TRIM24: variants seen among roughly 807,000 people sequenced by gnomAD.
TRIM24 encodes tripartite motif containing 24, also known as transcription intermediary factor 1-alpha.
TRIM24 carries 29 observed loss-of-function variants against 123.9 expected under a neutral mutation model. The observed-to-expected ratio is 0.23, with a 90% CI of 0.17 to 0.32. TRIM24 has a LOEUF of 0.32. Among genes scored for constraint, TRIM24 ranks in the 10% least tolerant of loss-of-function variants. The probability of loss-of-function intolerance (pLI) is 1.00; values close to 1 mark genes in which losing one functional copy is unlikely to be tolerated. For missense variants in TRIM24, 932 were observed against 1,295.3 expected, an observed-to-expected ratio of 0.72 and a Z score of 4.31; for synonymous variants, 456 against 461.1, an observed-to-expected ratio of 0.99 and a Z score of 0.14.
chr7:138,587,977 G>C lies in TRIM24; in HGVS notation c.*3026G>C, dbSNP rs1798047040. 1 of 152,230 alleles carries C rather than the reference G, an allele frequency of 6.6e-6. No homozygotes were observed. The highest frequency in any genetic ancestry group is 2.1e-4 in the South Asian group (1 of 4,834). 9.4% of individuals were successfully genotyped at this position (152,230 alleles called of 1,614,324 possible). A position where few individuals can be genotyped will look rare whatever the true frequency, so the allele number is the denominator to read the frequency against. The stretch of plus-strand genomic sequence containing the variant: ...CTTTTCTGAATGGAAGGGTAGGAAA[G>C]TGGAAGGTACTAAAAAGGAAAATGT... On this transcript the variant is annotated 3_prime_UTR_variant, in exon 19 of 19. Coordinates refer to ENST00000343526, the MANE Select transcript of TRIM24 (RefSeq NM_015905.3).
At chr7:138,477,373 G>GA (rs1008800051) in intron 1 of TRIM24, among the ~76,000 whole-genome samples, 1 of 152,262 alleles carries the variant, frequency 6.6e-6, no homozygotes, top group South Asian at 2.1e-4. Flanking sequence ...AGCGAGGCAA[G>GA]AAAAAGTTGG....
intron 9 of TRIM24, among the ~76,000 whole-genome samples, chr7:138,556,904 G>A (rs953791784): frequency 6.6e-6 from 1 of 152,218 alleles, no homozygotes; most frequent in Admixed American, 6.5e-5. Flanking sequence ...CTGAAAGGGT[G>A]TTGGCTAATT....
At chr7:138,487,027 G>A (rs998324660) in intron 1 of TRIM24, among the ~76,000 whole-genome samples, 1 of 152,136 alleles carries the variant, frequency 6.6e-6, no homozygotes, top group African/African-American at 2.4e-5. Flanking sequence ...GCAGTGGTTT[G>A]TAGTTCTCCT....
At chr7:138,558,192 T>G (rs1797354688) in intron 9 of TRIM24, among the ~76,000 whole-genome samples, 1 of 150,620 alleles carries the variant, frequency 6.6e-6, no homozygotes, top group South Asian at 2.1e-4. Context: ...GTACCAAGAG[T>G]GATGTAAAGA....
In TRIM24 at chr7:138,470,087, A is replaced by G. The variant is rs148035644; in HGVS notation, c.364+9175A>G. 3.6e-4 allele frequency among the ~76,000 whole-genome samples: 54 copies of G among 150,838 alleles called. No homozygotes were observed. The East Asian group carries it at 0.01, about 29-fold the overall frequency. On this transcript the variant is annotated intron_variant, in intron 1 of 18. Transcript: ENST00000343526. ...AGAGGTCATGGGATTTCGATACTGC[A>G]GACTCTGTTGTTTGTTTTTGCCTCC...
chr7:138,505,042 T>C (rs979263883), intron 2 of TRIM24, among the ~76,000 whole-genome samples: 1 of 152,202 alleles, frequency 6.6e-6, no homozygotes, highest in African/African-American at 2.4e-5. Context: ...ATTATAGGCG[T>C]GAGCCACCGT....
Position 138,588,172 on chromosome 7 carries a change from C to T in TRIM24, c.*3221C>T, listed in dbSNP as rs1182129839. ...GCTGATTGTTGCATTTATGAAACTG[C>T]ATTTCAATATGCTATGCTGTTACTG... is the stretch of plus-strand genomic sequence containing the variant. On this transcript the variant is annotated 3_prime_UTR_variant, in exon 19 of 19. Coordinates refer to ENST00000343526, the MANE Select transcript of TRIM24 (RefSeq NM_015905.3). 6.6e-6 allele frequency: 1 copy of T among 152,134 alleles called. No homozygotes were observed. The highest frequency in any genetic ancestry group is 6.5e-5 in the Admixed American group (1 of 15,270). The allele number at this position is 152,134 out of a possible 1,614,324, so 9.4% of individuals were successfully genotyped here. A position where few individuals can be genotyped will look rare whatever the true frequency, so the allele number is the denominator to read the frequency against.
chr7:138,576,218 G>GTTGT, intron 12 of TRIM24, among the ~76,000 whole-genome samples, 155 bp from the exon 13 acceptor site: 2 of 152,306 alleles, frequency 1.3e-5, no homozygotes, highest in Admixed American at 1.3e-4. Context: ...GTAACAGGCT[G>GTTGT]TAACAGACTG....
intron 1 of TRIM24, among the ~76,000 whole-genome samples, chr7:138,484,602 G>A (rs904864641): frequency 6.6e-6 from 1 of 151,804 alleles, no homozygotes; most frequent in Non-Finnish European, 1.5e-5. Context: ...CTAATACTTT[G>A]TTTATTACTT....
chr7:138,583,589 C>T (rs980978492), intron 17 of TRIM24, among the ~76,000 whole-genome samples: 1 of 152,200 alleles, frequency 6.6e-6, no homozygotes, highest in Admixed American at 6.5e-5. Context: ...CACTGCACTC[C>T]AGCCTGGGTG....
intron 17 of TRIM24, 92 bp downstream of exon 17, chr7:138,581,863 A>G: frequency 1.0e-6 from 1 of 966,162 alleles, no homozygotes; most frequent in Non-Finnish European, 1.6e-6. Context: ...ATTTTTCAGT[A>G]CTTTTTAATA....
chr7:138,516,556 T>C (rs577760215), intron 3 of TRIM24, among the ~76,000 whole-genome samples: 1 of 152,214 alleles, frequency 6.6e-6, no homozygotes, highest in South Asian at 2.1e-4. Context: ...GGTTTTACCA[T>C]GTTGGCCAGG....
chr7:138,582,541 CAA>C lies in TRIM24; in HGVS notation c.2793+787_2793+788del, dbSNP rs869142815. 8.9e-3 allele frequency among the ~76,000 whole-genome samples: 624 copies of C among 69,964 alleles called. 6 individuals carry two copies. The highest frequency in any genetic ancestry group is 0.027 in the African/African-American group (562 of 20,630). 45.9% of individuals were successfully genotyped at this position (69,964 alleles called of 152,430 possible). ...TGGGCAAAAGAGCAAGACTCCGTCT[CAA>C]AAAAAAAAAAAAAAAAGTTTGATGT... On this transcript the variant is annotated intron_variant, in intron 17 of 18. Coordinates refer to ENST00000343526, the MANE Select transcript of TRIM24 (RefSeq NM_015905.3).
chr7:138,505,582 T>G (rs112015381), intron 2 of TRIM24, among the ~76,000 whole-genome samples: 3 of 151,628 alleles, frequency 2.0e-5, no homozygotes, highest in Middle Eastern at 3.2e-3. Flanking sequence ...TGTTGCCCAG[T>G]CTGGAGTTCA....
intron 5 of TRIM24, among the ~76,000 whole-genome samples, chr7:138,526,139 G>A (rs1277779284): frequency 6.6e-6 from 1 of 152,176 alleles, no homozygotes; most frequent in Non-Finnish European, 1.5e-5. Flanking sequence ...CAGCGTAAAA[G>A]AGACCTCACA....
At position 138,589,101 on chromosome 7, in the gene TRIM24, A is replaced by T. The variant is rs560775860; in HGVS notation, c.*4150A>T. 7 of 150,450 alleles carry T rather than the reference A, an allele frequency of 4.7e-5. No homozygotes were observed. Among genetic ancestry groups the T allele is most frequent in the African/African-American group, 1.4e-4 (6 of 41,482 alleles). The allele number at this position is 150,450 out of a possible 1,614,324, so 9.3% of individuals were successfully genotyped here. On this transcript the variant is annotated 3_prime_UTR_variant, in exon 19 of 19. Coordinates refer to ENST00000343526, the MANE Select transcript of TRIM24 (RefSeq NM_015905.3). Reference sequence around the variant, plus strand: ...TTTGAATAACCATGTACATATTTTTAAAAGTATTTTATAGCCCTATGTAAA... The same window carrying T: ...TTTGAATAACCATGTACATATTTTTTAAAGTATTTTATAGCCCTATGTAAA...
chr7:138,487,235 TG>T (rs1795668200), intron 1 of TRIM24, among the ~76,000 whole-genome samples: 1 of 152,252 alleles, frequency 6.6e-6, no homozygotes, highest in Admixed American at 6.5e-5. Flanking sequence ...AAGGAGATTT[TG>T]GACTGAGACA....
At chr7:138,489,370 G>A (rs1451185385) in intron 1 of TRIM24, among the ~76,000 whole-genome samples, 1 of 152,160 alleles carries the variant, frequency 6.6e-6, no homozygotes, top group East Asian at 1.9e-4. Context: ...ATTGTTATGT[G>A]TGAATTTGAT....
intron 1 of TRIM24, among the ~76,000 whole-genome samples, chr7:138,461,561 G>A (rs994116021): frequency 6.6e-6 from 1 of 152,160 alleles, no homozygotes; most frequent in African/African-American, 2.4e-5. Flanking sequence ...TTTTGAGACG[G>A]CGAAGAGAAA....
Sources: gnomAD v4.1 joint callset for allele counts (sites outside exome capture counted in the v4.1 genomes callset) on GRCh38, gnomAD v4.1.1 for gene constraint, MANE v1.5 for transcripts, NCBI Gene and HGNC (gene_info 2026-07-23, HGNC 2026-07-21) for gene names.